Variants in SYTL2 observed in about 807,000 individuals in gnomAD.
The protein encoded by SYTL2 is synaptotagmin like 2, also known as synaptotagmin-like protein 2.
Under a neutral mutation model 198.7 loss-of-function variants are expected in SYTL2, and 165 were observed. The ratio of observed to expected loss-of-function variants is 0.83; its 90% CI spans 0.73 to 0.94. The LOEUF (loss-of-function observed/expected upper bound fraction) is 0.94, where lower values mean the gene tolerates loss of function less well. Among genes scored for constraint, SYTL2 ranks in the 40% least tolerant of loss-of-function variants. The probability of loss-of-function intolerance (pLI) is 0.00; values close to 1 mark genes in which losing one functional copy is unlikely to be tolerated. For missense variants in SYTL2, 2,835 were observed against 2,582.8 expected, an observed-to-expected ratio of 1.10 and a Z score of -2.12; for synonymous variants, 966 against 917.7, an observed-to-expected ratio of 1.05 and a Z score of -0.95.
intron 1 of SYTL2, among the ~76,000 whole-genome samples, chr11:85,795,227 C>T (rs1029353034): frequency 2.0e-5 from 3 of 152,106 alleles, no homozygotes; most frequent in African/African-American, 7.2e-5. Context: ...AGTTTATTTT[C>T]AGCCCCCCAA....
chr11:85,831,676 G>A, the SYTL2 span, among the ~76,000 whole-genome samples: 9 of 152,034 alleles, frequency 5.9e-5, no homozygotes, highest in Admixed American at 5.2e-4. Context: ...AGTATTGTAG[G>A]GTATGCATAT....
chr11:85,825,387 CA>C, the SYTL2 span, among the ~76,000 whole-genome samples: 1,665 of 118,718 alleles, frequency 0.014, 11 homozygotes, highest in Middle Eastern at 0.032. Context: ...GACTCCGTCT[CA>C]AAAAAAAAAA....
chr11:85,727,571 C>A lies in SYTL2; in HGVS notation c.1787G>T (p.Gly596Val). Residue 596 changes from glycine (G) to valine (V), a missense_variant, in exon 8 of 20, where the codon GGA becomes GTA. This residue lies in a region of SYTL2 where 2,645 missense variants were observed against 2,381.7 expected (regional missense o/e 1.11). Transcript: ENST00000359152. ...VRSDSPFQAEGDMLVSESCQD... is the reference protein window; with the variant it reads ...VRSDSPFQAEVDMLVSESCQD... ...GCAACTTTCAGAAACCAGCATATCT[C>A]CCTCTGCTTGGAATGGTGAGTCAGA... 1.3e-6 allele frequency: 2 copies of A among 1,536,074 alleles called. No homozygotes were observed. The highest frequency in any genetic ancestry group is 2.4e-5 in the South Asian group (2 of 84,048).
In SYTL2 at chr11:85,726,409, C is replaced by G. The variant is rs1591759828; in HGVS notation, c.2949G>C (p.Glu983Asp). 6.2e-7 allele frequency: 1 copy of G among 1,613,128 alleles called. No individual in the cohort carries two copies. ...CTAAGTCCCAAAACTTTCTCAAATT[C>G]TCAAACTGAGAGGGATTATAGACCT... ...AEQVYNPSQFENLRKFWDLEA... is the reference protein window; with the variant it reads ...AEQVYNPSQFDNLRKFWDLEA... The change falls in exon 8 of 20, where the codon GAG becomes GAC. Residue 983 changes from glutamate (E) to aspartate (D), a missense_variant. Glu to Asp is a conservative substitution (Grantham distance 45). Transcript: ENST00000359152.
the SYTL2 span, among the ~76,000 whole-genome samples, chr11:85,850,784 C>T: frequency 9.3e-4 from 140 of 150,924 alleles, no homozygotes; most frequent in Middle Eastern, 6.8e-3. Context: ...CCCAAATGTC[C>T]GACAATGATA....
chr11:85,712,645 G>C (rs141596131), intron 12 of SYTL2, among the ~76,000 whole-genome samples: 29 of 151,854 alleles, frequency 1.9e-4, no homozygotes, highest in African/African-American at 6.3e-4. Flanking sequence ...CTGAAGGAAG[G>C]AGAAAAATTA....
intron 1 of SYTL2, among the ~76,000 whole-genome samples, chr11:85,786,751 C>T (rs1169123641): frequency 6.6e-6 from 1 of 152,070 alleles, no homozygotes; most frequent in Non-Finnish European, 1.5e-5. Flanking sequence ...TTCCAATGCA[C>T]CAATTGTTTT....
chr11:85,708,785 A>G (rs2153415444), intron 14 of SYTL2, among the ~76,000 whole-genome samples: 1 of 151,230 alleles, frequency 6.6e-6, no homozygotes, highest in Non-Finnish European at 1.5e-5. Flanking sequence ...GGAACTGAAC[A>G]AGATGACCCC....
At chr11:85,704,792 CT>C in intron 16 of SYTL2, 65 bp downstream of exon 16, 1 of 1,346,290 alleles carries the variant, frequency 7.4e-7, no homozygotes, top group Non-Finnish European at 1.0e-6. Flanking sequence ...TGCAATTAAG[CT>C]TTTTCCTATA....
intron 1 of SYTL2, among the ~76,000 whole-genome samples, chr11:85,795,322 C>G (rs111655684): frequency 6.7e-6 from 1 of 149,832 alleles, no homozygotes; most frequent in South Asian, 2.1e-4. Flanking sequence ...ACCATCAGAT[C>G]TAAAAAAAAA....
the SYTL2 span, among the ~76,000 whole-genome samples, chr11:85,817,122 A>G: frequency 0.033 from 5,043 of 152,288 alleles, 120 homozygotes; most frequent in Non-Finnish European, 0.053. Context: ...AATAATCCAG[A>G]ATGGGGTTGA....
chr11:85,813,740 C>T (rs906230839), upstream of SYTL2, among the ~76,000 whole-genome samples: 1 of 143,020 alleles, frequency 7.0e-6, no homozygotes, highest in Non-Finnish European at 1.5e-5. Flanking sequence ...TCCTTCCTTC[C>T]TTCCTTTTTT....
At chr11:85,790,458 T>G (rs1275793276) in intron 1 of SYTL2, among the ~76,000 whole-genome samples, 1 of 152,194 alleles carries the variant, frequency 6.6e-6, no homozygotes, top group Non-Finnish European at 1.5e-5. Context: ...AGCATAACTA[T>G]AAAAGTTAGA....
At chr11:85,778,525 C>A (rs889575714) in intron 1 of SYTL2, among the ~76,000 whole-genome samples, 1 of 152,270 alleles carries the variant, frequency 6.6e-6, no homozygotes, top group African/African-American at 2.4e-5. Context: ...GTTCTAGCAT[C>A]TTTTCAGCCA....
In SYTL2 at chr11:85,745,639, C is replaced by T. The variant is rs762439780; in HGVS notation, c.387G>A (p.Pro129=). The stretch of plus-strand genomic sequence containing the variant: ...TCTCCCCAGAAGCTTTGCCTTACCT[C>T]GGGCTTGCTGGTGCTGCATCTTCTT... ...EPEEDAAPAS[P]SSSVVNPASS... The change falls in exon 4 of 20, where the codon CCG becomes CCA. Residue 129 remains proline, a splice_region_variant and synonymous_variant. Transcript: ENST00000359152. 9.9e-6 allele frequency: 16 copies of T among 1,611,998 alleles called. No individual in the cohort carries two copies. The highest frequency in any genetic ancestry group is 5.5e-5 in the South Asian group (5 of 90,946).
At chr11:85,760,179 T>G (rs1212410822) in intron 1 of SYTL2, among the ~76,000 whole-genome samples, 6 of 152,168 alleles carry the variant, frequency 3.9e-5, no homozygotes, top group Admixed American at 3.9e-4. Context: ...TCATCCTGGG[T>G]TCCAGAAAGA....
At chr11:85,742,773 G>T (rs79641397) in intron 4 of SYTL2, among the ~76,000 whole-genome samples, 3,175 of 152,214 alleles carry the variant, frequency 0.021, 64 homozygotes, top group Admixed American at 0.037. Context: ...ACTACAAAGG[G>T]TTTATGAAGT....
chr11:85,831,721 T>C, the SYTL2 span, among the ~76,000 whole-genome samples: 1 of 152,152 alleles, frequency 6.6e-6, no homozygotes, highest in East Asian at 1.9e-4. Context: ...ATTAAATGTG[T>C]ACAATTGTTT....
At chr11:85,742,645 C>T (rs1406865686) in intron 4 of SYTL2, among the ~76,000 whole-genome samples, 2 of 152,122 alleles carry the variant, frequency 1.3e-5, no homozygotes, top group Non-Finnish European at 2.9e-5. Context: ...CTTTTGCATG[C>T]CACTGTTGTT....
Sources: gnomAD v4.1 joint callset for allele counts (sites outside exome capture counted in the v4.1 genomes callset) on GRCh38, gnomAD v4.1.1 for gene constraint, gnomAD v4.1.1 regional missense constraint, MANE v1.5 for transcripts, NCBI Gene and HGNC (gene_info 2026-07-23, HGNC 2026-07-21) for gene names.